Variants in CTIF observed in about 807,000 individuals in gnomAD.
The protein encoded by CTIF is cap binding complex dependent translation initiation factor.
CTIF carries 21 observed loss-of-function variants against 66.0 expected under a neutral mutation model. The observed-to-expected ratio is 0.32, with a 90% confidence interval of 0.23 to 0.46. The LOEUF is 0.46. CTIF is among the 20% of genes least tolerant of loss of function. The pLI is 1.00. For missense variants in CTIF, 739 were observed against 812.7 expected, an observed-to-expected ratio of 0.91 and a Z score of 1.10; for synonymous variants, 345 against 326.4, an observed-to-expected ratio of 1.06 and a Z score of -0.62.
In CTIF at chr18:48,560,665, G is replaced by A. The variant is rs538892022; in HGVS notation, c.-29+21353G>A. Among the ~76,000 whole-genome samples the A allele has an allele frequency of 2.0e-5, 3 of 152,220 alleles. No individual in the cohort carries two copies. The East Asian group carries it at 5.8e-4, about 29-fold the overall frequency. ...AGCTCACTGCAACCTCCGCCTCTTGGCCTCAAGCCATCCTCCCTCCTCAGC... is the reference window on the plus strand; with the variant it reads ...AGCTCACTGCAACCTCCGCCTCTTGACCTCAAGCCATCCTCCCTCCTCAGC... On this transcript the variant is annotated intron_variant, in intron 1 of 11. Coordinates refer to ENST00000256413, the MANE Select transcript of CTIF (RefSeq NM_014772.3).
chr18:48,583,939 A>G (rs1004876640), intron 1 of CTIF, among the ~76,000 whole-genome samples: 1 of 152,252 alleles, frequency 6.6e-6, no homozygotes, highest in East Asian at 1.9e-4. Flanking sequence ...CATACTTTGT[A>G]GAAAGAACAG....
At chr18:48,758,963 G>A (rs1482815626) in intron 8 of CTIF, among the ~76,000 whole-genome samples, 5 of 152,136 alleles carry the variant, frequency 3.3e-5, no homozygotes, top group South Asian at 2.1e-4. Context: ...AGTGCACACC[G>A]TAAGGTGGCT....
rs1909020289 is a variant in CTIF at position 48,761,731 on chromosome 18, CT to C, written c.1371+43del. 3.2e-6 allele frequency: 5 copies of C among 1,569,240 alleles called. No individual in the cohort carries two copies. Among genetic ancestry groups the C allele is most frequent in the Non-Finnish European group, 4.3e-6 (5 of 1,151,430 alleles). The stretch of plus-strand genomic sequence containing the variant: ...CACCACCGCCCCGCGCCCCCTGCCC[CT>C]CTGCGTTCGGTGAGTTATTCCTAGC... On this transcript the variant is annotated intron_variant, in intron 9 of 11. Coordinates refer to ENST00000256413, the MANE Select transcript of CTIF (RefSeq NM_014772.3). This position sits in a 1 kb window ranked among gnomAD's most constrained non-coding sequence, Gnocchi z 4.2.
chr18:48,619,831 C>A, intron 2 of CTIF, 86 bp downstream of exon 2: 1 of 1,299,824 alleles, frequency 7.7e-7, no homozygotes. Flanking sequence ...CATCCAGTTG[C>A]CTGACACTAG....
intron 1 of CTIF, among the ~76,000 whole-genome samples, chr18:48,573,775 C>T (rs543169998): frequency 5.8e-4 from 88 of 152,316 alleles, no homozygotes; most frequent in South Asian, 5.0e-3. Context: ...CAGCCACCCA[C>T]GCTGGCCATT....
rs112938283 is a variant in CTIF at position 48,668,526 on chromosome 18, C to T, written c.432-2143C>T. 5.6e-3 allele frequency among the ~76,000 whole-genome samples: 850 copies of T among 152,262 alleles called. 6 individuals are homozygous for T. Among genetic ancestry groups the T allele is most frequent in the African/African-American group, 0.019 (777 of 41,546 alleles). ...CACAGTTGTGGGGACAGCCGGGGGC[C>T]GGGGGAAACTTTTTCTTTTCCTTCA... On this transcript the variant is annotated intron_variant, in intron 5 of 11. Coordinates refer to ENST00000256413, the MANE Select transcript of CTIF (RefSeq NM_014772.3).
chr18:48,687,029 C>G (rs2091851436), intron 6 of CTIF, among the ~76,000 whole-genome samples: 1 of 152,046 alleles, frequency 6.6e-6, no homozygotes, highest in East Asian at 1.9e-4. Flanking sequence ...CCTGTCGAGT[C>G]AGAAGTCTAA....
At chr18:48,612,366 G>A (rs2090322894) in intron 1 of CTIF, among the ~76,000 whole-genome samples, 1 of 152,186 alleles carries the variant, frequency 6.6e-6, no homozygotes, top group South Asian at 2.1e-4. Flanking sequence ...CCTGCCCTGG[G>A]GGCCACCTGA....
intron 3 of CTIF, among the ~76,000 whole-genome samples, chr18:48,652,383 G>A (rs916972400): frequency 1.3e-5 from 2 of 152,174 alleles, no homozygotes; most frequent in African/African-American, 2.4e-5. Context: ...AGAAAATCTA[G>A]AAGAAATGGA....
chr18:48,539,788 A>G (rs1167005564), intron 1 of CTIF: 3 of 152,532 alleles, frequency 2.0e-5, no homozygotes, highest in Non-Finnish European at 4.4e-5. Context: ...CAGTTGGTTT[A>G]GTATCAGCCA....
At chr18:48,826,914 T>TGGG (rs1202624706) in intron 10 of CTIF, 3 of 151,642 alleles carry the variant, frequency 2.0e-5, no homozygotes, top group Non-Finnish European at 4.4e-5. Context: ...GGAAATGGAA[T>TGGG]GGGGAAGGAG....
chr18:48,728,745 A>T (rs1280802699), intron 7 of CTIF, among the ~76,000 whole-genome samples: 2 of 151,298 alleles, frequency 1.3e-5, no homozygotes, highest in Non-Finnish European at 2.9e-5. Context: ...AGAGTGAGAG[A>T]GAGAGAGAGA....
chr18:48,709,437 C>G (rs1191859612), intron 6 of CTIF, among the ~76,000 whole-genome samples: 1 of 152,230 alleles, frequency 6.6e-6, no homozygotes, highest in African/African-American at 2.4e-5. Flanking sequence ...GGTAAGGAGG[C>G]CAGGAGGTAG....
intron 7 of CTIF, among the ~76,000 whole-genome samples, chr18:48,742,831 T>C (rs1342396016): frequency 6.6e-6 from 1 of 152,164 alleles, no homozygotes; most frequent in Non-Finnish European, 1.5e-5. Context: ...TTTTTTCATC[T>C]TTAAACAGTG....
At chr18:48,556,681 C>A (rs1245854303) in intron 1 of CTIF, among the ~76,000 whole-genome samples, 1 of 152,228 alleles carries the variant, frequency 6.6e-6, no homozygotes, top group Non-Finnish European at 1.5e-5. Context: ...TCTTGTGCTT[C>A]AGCCTCCTGA....
At position 48,636,639 on chromosome 18, in the gene CTIF, T is replaced by G. The variant is rs1425639168; in HGVS notation, c.206T>G (p.Leu69Arg). 6.3e-7 allele frequency: 1 copy of G among 1,596,866 alleles called. No individual in the cohort carries two copies. Among genetic ancestry groups the G allele is most frequent in the East Asian group, 2.3e-5 (1 of 43,768 alleles). Residue 69 changes from leucine to arginine, a missense_variant, in exon 3 of 12, where the codon CTG becomes CGG. This residue lies in a region of CTIF where 529 missense variants were observed against 520.3 expected (regional missense o/e 1.02). Coordinates refer to ENST00000256413, the MANE Select transcript of CTIF (RefSeq NM_014772.3). Reference protein sequence around the residue: ...SQWTADCSEPLDSSCSFSRGR... With the variant: ...SQWTADCSEPRDSSCSFSRGR... ...TGGACAGCGGACTGCAGCGAACCGC[T>G]GGACAGCAGCTGTTCCTTCTCCCGA... is the stretch of plus-strand genomic sequence containing the variant.
At chr18:48,618,148 T>G (rs1421505354) in intron 1 of CTIF, among the ~76,000 whole-genome samples, 1 of 152,236 alleles carries the variant, frequency 6.6e-6, no homozygotes, top group East Asian at 1.9e-4. Context: ...TGCTTTGGAC[T>G]CGCTGCAGTG....
intron 5 of CTIF, among the ~76,000 whole-genome samples, chr18:48,667,696 C>G (rs1029431185): frequency 3.3e-5 from 5 of 152,344 alleles, no homozygotes; most frequent in Admixed American, 1.3e-4. Flanking sequence ...ACCTGTGTCA[C>G]CAGCTGTGGG....
intron 1 of CTIF, among the ~76,000 whole-genome samples, chr18:48,597,609 C>A (rs1212707792): frequency 6.7e-6 from 1 of 148,910 alleles, no homozygotes; most frequent in Admixed American, 6.7e-5. Context: ...GACGTGCCTG[C>A]TTTCACTTTG....
Sources: allele counts gnomAD v4.1 joint callset (sites outside exome capture counted in the v4.1 genomes callset), GRCh38; gene constraint gnomAD v4.1.1; regional missense constraint gnomAD v4.1.1; non-coding constraint Gnocchi (gnomAD v3.1); transcripts MANE v1.5; gene names NCBI Gene and HGNC (gene_info 2026-07-23, HGNC 2026-07-21).